STIL: variants seen among roughly 807,000 people sequenced by gnomAD.
The protein encoded by STIL is STIL centriolar assembly protein, also known as SCL-interrupting locus protein.
STIL carries 55 observed loss-of-function variants against 110.1 expected under a neutral mutation model. The observed-to-expected ratio is 0.50, with a 90% CI of 0.40 to 0.63. STIL has a LOEUF of 0.63. STIL is among the 20% of genes least tolerant of loss of function. STIL has a pLI of 0.00. For missense variants in STIL, 1,358 were observed against 1,530.0 expected, an observed-to-expected ratio of 0.89 and a Z score of 1.87; for synonymous variants, 481 against 530.0, an observed-to-expected ratio of 0.91 and a Z score of 1.27.
intron 3 of STIL, among the ~76,000 whole-genome samples, chr1:47,302,624 T>C (rs1438197440): frequency 6.6e-6 from 1 of 152,206 alleles, no homozygotes; most frequent in Non-Finnish European, 1.5e-5. Context: ...AAATTTTGAT[T>C]GAAACAGTCA....
At chr1:47,295,935 G>A in intron 6 of STIL, 87 bp from the exon 7 acceptor site, 1 of 966,258 alleles carries the variant, frequency 1.0e-6, no homozygotes, top group Non-Finnish European at 1.6e-6. Flanking sequence ...GCATACTTTA[G>A]AAAGGGGAGA....
In STIL at chr1:47,293,446, A is replaced by G; in HGVS notation, c.872+12T>C. On this transcript the variant is annotated intron_variant, in intron 8 of 16. Coordinates refer to ENST00000371877, the MANE Select transcript of STIL (RefSeq NM_001048166.1). ...ATCGAAATAAAGTACTACAGAATAA[A>G]ATATCACTTGCCTTTCTTGAACAGA... 6.2e-7 allele frequency: 1 copy of G among 1,606,948 alleles called. No homozygotes were observed. Among genetic ancestry groups the G allele is most frequent in the Non-Finnish European group, 8.5e-7 (1 of 1,173,810 alleles).
Position 47,269,833 on chromosome 1 carries a change from T to C in STIL, c.2417A>G (p.Asp806Gly). The change falls in exon 14 of 17, where the codon GAT (aspartate) becomes GGT (glycine). Residue 806 changes from aspartate (D) to glycine (G), a missense_variant. Transcript: ENST00000371877. ...ASLFWNAAGE[D>G]QEPDSQMKQD... ...CTTCATTTGAGAGTCAGGCTCTTGATCCTCACCTGCTGCATTCCAAAACAA... is the reference window on the plus strand; with the variant it reads ...CTTCATTTGAGAGTCAGGCTCTTGACCCTCACCTGCTGCATTCCAAAACAA... 1 of 1,614,220 alleles carries C rather than the reference T, an allele frequency of 6.2e-7. No homozygotes were observed. Among genetic ancestry groups the C allele is most frequent in the Non-Finnish European group, 8.5e-7 (1 of 1,180,038 alleles).
chr1:47,304,397 G>A (rs1243440556), intron 3 of STIL, among the ~76,000 whole-genome samples: 1 of 150,914 alleles, frequency 6.6e-6, no homozygotes, highest in African/African-American at 2.4e-5. Context: ...CTGACTCAAG[G>A]CTCTCCCCGC....
intron 1 of STIL, 146 bp from the exon 2 acceptor site, chr1:47,310,508 CT>C (rs1646092894): frequency 1.8e-6 from 1 of 553,724 alleles, no homozygotes; most frequent in Non-Finnish European, 3.2e-6. Context: ...CTTGTAGATT[CT>C]GCCAATCATT....
chr1:47,257,628 G>GT (rs1413050721), intron 16 of STIL, among the ~76,000 whole-genome samples: 1 of 152,190 alleles, frequency 6.6e-6, no homozygotes, highest in African/African-American at 2.4e-5. Flanking sequence ...CCATTTTGAT[G>GT]TAGATCAATT....
chr1:47,252,274 CA>C (rs1320189263), intron 16 of STIL, among the ~76,000 whole-genome samples: 7 of 152,196 alleles, frequency 4.6e-5, no homozygotes, highest in African/African-American at 1.7e-4. Context: ...CCCAACTACT[CA>C]AGAGGCTGAG....
intron 13 of STIL, 83 bp from the exon 14 acceptor site, chr1:47,269,949 C>CA (rs1644770630): frequency 1.5e-6 from 2 of 1,347,010 alleles, no homozygotes; most frequent in Admixed American, 1.7e-5. Flanking sequence ...TAAGAATAGC[C>CA]ATATTGGCTG....
At chr1:47,279,957 C>T (rs1321979060) in intron 12 of STIL, among the ~76,000 whole-genome samples, 11 of 152,110 alleles carry the variant, frequency 7.2e-5, no homozygotes, top group Non-Finnish European at 4.4e-5. Flanking sequence ...TTATAACAGA[C>T]TTTTCATTAG....
chr1:47,269,790 A>C lies in STIL; in HGVS notation c.2460T>G (p.Ile820Met). The stretch of plus-strand genomic sequence containing the variant: ...CAGAAAAATTCATGTCCTCACTGGA[A>C]ATTTTGGTATCATCTTGCTTCATTT... ...DSQMKQDDTK[I>M]SSEDMNFSVD... The change falls in exon 14 of 17, where the codon ATT (isoleucine) becomes ATG (methionine). Residue 820 changes from isoleucine to methionine, a missense_variant. Physicochemically the swap from Ile to Met is conservative, Grantham distance 10. Coordinates refer to ENST00000371877, the MANE Select transcript of STIL (RefSeq NM_001048166.1). 1 of 1,614,188 alleles carries C rather than the reference A, an allele frequency of 6.2e-7. No homozygotes were observed.
chr1:47,261,971 T>C (rs1644500739), intron 15 of STIL, among the ~76,000 whole-genome samples: 1 of 152,208 alleles, frequency 6.6e-6, no homozygotes, highest in Admixed American at 6.5e-5. Context: ...ATGCTAAATT[T>C]TTTATAAACA....
intron 12 of STIL, among the ~76,000 whole-genome samples, chr1:47,276,938 C>T (rs532849177): frequency 1.1e-4 from 16 of 150,636 alleles, no homozygotes; most frequent in South Asian, 8.4e-4. Context: ...AATCTGGCAT[C>T]ATTCATCTCA....
chr1:47,311,999 T>C (rs1646139801), intron 1 of STIL, among the ~76,000 whole-genome samples: 2 of 152,058 alleles, frequency 1.3e-5, no homozygotes, highest in African/African-American at 2.4e-5. Context: ...TGAGCTGATA[T>C]CATCCCACTG....
chr1:47,255,857 C>A lies in STIL; in HGVS notation c.3081-3935G>T, dbSNP rs77411046. ...AGACTCTCTTAATCTCTGCGGCATT[C>A]TATTAACAGGAAAATAGAAAGCAGG... On this transcript the variant is annotated intron_variant, in intron 16 of 16. Transcript: ENST00000371877. Among the ~76,000 whole-genome samples the A allele has an allele frequency of 9.1e-3, 1,393 of 152,278 alleles. 11 individuals carry two copies. Among genetic ancestry groups the A allele is most frequent in the Non-Finnish European group, 0.014 (960 of 67,994 alleles).
At position 47,250,609 on chromosome 1, in the gene STIL, C is replaced by T. The variant is rs888232633; in HGVS notation, c.*527G>A. Reference sequence around the variant, plus strand: ...CCGAGGCGGGCGGATCACCTGAGGTCGGGAGTTTGAGACCAGCCTGACCAA... The same window carrying T: ...CCGAGGCGGGCGGATCACCTGAGGTTGGGAGTTTGAGACCAGCCTGACCAA... On this transcript the variant is annotated 3_prime_UTR_variant, in exon 17 of 17. Transcript: ENST00000371877. The T allele has an allele frequency of 7.4e-4, 117 of 159,136 alleles. No individual in the cohort carries two copies. The highest frequency in any genetic ancestry group is 2.7e-3 in the African/African-American group (112 of 41,728). 9.9% of individuals were successfully genotyped at this position (159,136 alleles called of 1,614,324 possible). A position where few individuals can be genotyped will look rare whatever the true frequency, so the allele number is the denominator to read the frequency against.
At chr1:47,300,445 C>T (rs1645770664) in intron 5 of STIL, among the ~76,000 whole-genome samples, 1 of 151,338 alleles carries the variant, frequency 6.6e-6, no homozygotes, top group African/African-American at 2.4e-5. Context: ...AAATATTTAC[C>T]ACATGGGAAA....
intron 10 of STIL, among the ~76,000 whole-genome samples, chr1:47,284,965 T>C (rs1251955605): frequency 6.6e-6 from 1 of 150,860 alleles, no homozygotes; most frequent in Non-Finnish European, 1.5e-5. Flanking sequence ...TGGACTCAAA[T>C]TGCAATTCTT....
At chr1:47,299,347 A>C (rs1330907636) in intron 6 of STIL, among the ~76,000 whole-genome samples, 3 of 151,734 alleles carry the variant, frequency 2.0e-5, no homozygotes, top group Non-Finnish European at 2.9e-5. Flanking sequence ...ACACCATCTC[A>C]AAAAAAGAAC....
At chr1:47,275,143 C>CCCA (rs1338996453) in intron 12 of STIL, among the ~76,000 whole-genome samples, 73 of 68,418 alleles carry the variant, frequency 1.1e-3, no homozygotes, top group South Asian at 3.5e-3. Context: ...AAGACTCTGT[C>CCCA]TCATCAACAA....
Sources: gnomAD v4.1 joint callset for allele counts (sites outside exome capture counted in the v4.1 genomes callset) on GRCh38, gnomAD v4.1.1 for gene constraint, MANE v1.5 for transcripts, NCBI Gene and HGNC (gene_info 2026-07-23, HGNC 2026-07-21) for gene names.